The following RHPN2 variants were observed in gnomAD, a reference collection of about 807,000 sequenced individuals.
The protein encoded by RHPN2 is rhophilin-2.
RHPN2 carries 40 observed loss-of-function variants against 79.0 expected under a neutral mutation model. The ratio of observed to expected loss-of-function variants is 0.51; its 90% CI spans 0.39 to 0.66. The LOEUF (loss-of-function observed/expected upper bound fraction) is 0.66, where lower values mean the gene tolerates loss of function less well. RHPN2 is among the 30% of genes least tolerant of loss of function. The probability of loss-of-function intolerance (pLI) is 0.00; values close to 1 mark genes in which losing one functional copy is unlikely to be tolerated. For synonymous variants in RHPN2, 285 were observed against 363.5 expected (o/e 0.78, Z 2.46); for missense variants, 686 against 883.5 (o/e 0.78, Z 2.83).
chr19:33,064,393 T>C (rs1972308283), intron 1 of RHPN2, among the ~76,000 whole-genome samples: 1 of 151,990 alleles, frequency 6.6e-6, no homozygotes, highest in Non-Finnish European at 1.5e-5. Flanking sequence ...CCAAGCGCTC[T>C]TGCAACGCGC....
chr19:33,039,698 T>C (rs8113609), intron 2 of RHPN2, among the ~76,000 whole-genome samples: 24,290 of 151,564 alleles, frequency 0.16, 2,443 homozygotes, highest in East Asian at 0.31. Context: ...ATTAGCCGGG[T>C]ATGATGGCGC....
Position 32,980,244 on chromosome 19 carries a change from C to T in RHPN2, c.1813G>A (p.Ala605Thr), listed in dbSNP as rs1476097047. The T allele has an allele frequency of 6.2e-7, 1 of 1,613,878 alleles. No individual in the cohort carries two copies. Among genetic ancestry groups the T allele is most frequent in the Non-Finnish European group, 8.5e-7 (1 of 1,179,820 alleles). The change falls in exon 15 of 15, where the codon GCC becomes ACC. Residue 605 changes from alanine to threonine, a missense_variant. By Grantham distance (58) the Ala-to-Thr change is moderately conservative. Coordinates refer to ENST00000254260, the MANE Select transcript of RHPN2 (RefSeq NM_033103.5). ...TTCTGCATTCCCACGGAGTATGTGG[C>T]ACTCTTATTATGCTGCACATAGAAA... ...DSTSSMHNKS[A>T]TYSVGMQKTY...
In RHPN2 at chr19:33,026,484, G is replaced by A. The variant is rs762387365; in HGVS notation, c.314+20C>T. On this transcript the variant is annotated intron_variant, in intron 3 of 14. Coordinates refer to ENST00000254260, the MANE Select transcript of RHPN2 (RefSeq NM_033103.5). ...ATCTCTGGCTCAGAGGCTTTTGGAAGGTGTGCTGCTCCCACTTACTCTGTG... is the reference window on the plus strand; with the variant it reads ...ATCTCTGGCTCAGAGGCTTTTGGAAAGTGTGCTGCTCCCACTTACTCTGTG... The A allele has an allele frequency of 3.1e-6, 5 of 1,606,280 alleles. No individual in the cohort carries two copies. The South Asian group carries it at 4.4e-5, about 14-fold the overall frequency.
At chr19:33,042,082 G>C (rs918363050) in intron 2 of RHPN2, among the ~76,000 whole-genome samples, 5 of 152,088 alleles carry the variant, frequency 3.3e-5, no homozygotes, top group Non-Finnish European at 7.4e-5. Context: ...CCAGCTATTT[G>C]GGAGGCTGAG....
chr19:33,010,371 CT>C (rs538698690), intron 6 of RHPN2, among the ~76,000 whole-genome samples: 182 of 136,888 alleles, frequency 1.3e-3, no homozygotes, highest in African/African-American at 4.9e-3. Flanking sequence ...CTCCAAAGTA[CT>C]TTTTTTTAGG....
intron 6 of RHPN2, among the ~76,000 whole-genome samples, chr19:33,008,491 T>C (rs1971811765): frequency 6.6e-6 from 1 of 151,754 alleles, no homozygotes; most frequent in Admixed American, 6.6e-5. Flanking sequence ...CTGGGTTGGC[T>C]GGGTGCGGTG....
At chr19:32,984,942 C>CA (rs1971603115) in intron 14 of RHPN2, among the ~76,000 whole-genome samples, 1 of 151,094 alleles carries the variant, frequency 6.6e-6, no homozygotes, top group African/African-American at 2.4e-5. Flanking sequence ...ACTGTCACTA[C>CA]AAAAAAATTA....
intron 2 of RHPN2, among the ~76,000 whole-genome samples, chr19:33,029,560 G>T (rs566030295): frequency 6.6e-6 from 1 of 151,682 alleles, no homozygotes; most frequent in Non-Finnish European, 1.5e-5. Flanking sequence ...AAGAGTCCAG[G>T]AATAAATGTT....
chr19:33,011,452 C>G (rs548401526), intron 6 of RHPN2, among the ~76,000 whole-genome samples: 1 of 152,264 alleles, frequency 6.6e-6, no homozygotes, highest in East Asian at 1.9e-4. Flanking sequence ...CTCGCTTGTT[C>G]TGAGAAGCAA....
intron 14 of RHPN2, among the ~76,000 whole-genome samples, chr19:32,983,095 C>CACACA (rs1568307710): frequency 1.4e-5 from 2 of 147,156 alleles, no homozygotes; most frequent in Non-Finnish European, 3.0e-5. Flanking sequence ...CACACACACA[C>CACACA]TCCTGCAATG....
intron 2 of RHPN2, among the ~76,000 whole-genome samples, chr19:33,031,905 G>A (rs1401604185): frequency 9.9e-5 from 15 of 151,666 alleles, no homozygotes; most frequent in Non-Finnish European, 4.4e-5. Context: ...ATTTTTAGTA[G>A]AGAGGGGTTT....
At chr19:33,057,142 C>T (rs1263472859) in intron 1 of RHPN2, among the ~76,000 whole-genome samples, 6 of 133,050 alleles carry the variant, frequency 4.5e-5, no homozygotes, top group East Asian at 2.2e-4. Context: ...AAAAAGAGTT[C>T]GAGGCCAGCC....
At chr19:33,041,110 A>T (rs1972096755) in intron 2 of RHPN2, among the ~76,000 whole-genome samples, 1 of 152,190 alleles carries the variant, frequency 6.6e-6, no homozygotes, top group African/African-American at 2.4e-5. Context: ...GTGCCTGCCT[A>T]GCCACGATAC....
chr19:32,983,677 G>C (rs922457458), intron 14 of RHPN2, among the ~76,000 whole-genome samples: 3 of 146,804 alleles, frequency 2.0e-5, no homozygotes, highest in African/African-American at 5.1e-5. Context: ...CACCAGACTG[G>C]AGTGCAGTGG....
chr19:33,050,681 CTTTT>C (rs895420469), intron 1 of RHPN2, among the ~76,000 whole-genome samples: 1 of 151,950 alleles, frequency 6.6e-6, no homozygotes, highest in Non-Finnish European at 1.5e-5. Flanking sequence ...TAGTTTGTTC[CTTTT>C]TTTGTTTTTT....
intron 2 of RHPN2, among the ~76,000 whole-genome samples, chr19:33,027,569 T>C (rs1474430122): frequency 6.6e-6 from 1 of 151,848 alleles, no homozygotes; most frequent in Non-Finnish European, 1.5e-5. Context: ...AATAAATGAA[T>C]GAGAAAATGA....
Position 32,990,551 on chromosome 19 carries a change from A to G in RHPN2, c.1763T>C (p.Met588Thr). Residue 588 changes from methionine (M) to threonine (T), a missense_variant, in exon 14 of 15, where the codon ATG becomes ACG. Physicochemically the swap from Met to Thr is moderately conservative, Grantham distance 81. Coordinates refer to ENST00000254260, the MANE Select transcript of RHPN2 (RefSeq NM_033103.5). ...GGAGTCCAGGAGGCTCACGACTTTC[A>G]TCTCGATCTCGTCCTCGCCAAAGCT... ...LKSFGEDEIE[M>T]KVVSLLDSTS... 6.2e-7 allele frequency: 1 copy of G among 1,613,842 alleles called. No homozygotes were observed. Among genetic ancestry groups the G allele is most frequent in the African/African-American group, 1.3e-5 (1 of 75,016 alleles).
In RHPN2 at chr19:33,012,729, A is replaced by C; in HGVS notation, c.391-5T>G. The C allele has an allele frequency of 6.5e-7, 1 of 1,535,680 alleles. No homozygotes were observed. The highest frequency in any genetic ancestry group is 1.1e-5 in the South Asian group (1 of 89,498). On this transcript the variant is annotated splice_region_variant and splice_polypyrimidine_tract_variant and intron_variant, in intron 4 of 14. Transcript: ENST00000254260. ...GTAATGTTCCAGGATAAAATCCTTA[A>C]AGAAAAATGAGGTCAGATGTTATAA... is the stretch of plus-strand genomic sequence containing the variant.
At chr19:32,987,004 G>GC (rs1971617618) in intron 14 of RHPN2, among the ~76,000 whole-genome samples, 1 of 151,262 alleles carries the variant, frequency 6.6e-6, no homozygotes, top group Non-Finnish European at 1.5e-5. Context: ...AGCCTCCCAA[G>GC]CAGCTGGGAC....
Sources: gnomAD v4.1 joint callset for allele counts (sites outside exome capture counted in the v4.1 genomes callset) on GRCh38, gnomAD v4.1.1 for gene constraint, MANE v1.5 for transcripts, NCBI Gene and HGNC (gene_info 2026-07-23, HGNC 2026-07-21) for gene names.